VIPR2: variants seen among roughly 807,000 people sequenced by gnomAD.
VIPR2 encodes the protein vasoactive intestinal polypeptide receptor 2.
Under a neutral mutation model 58.0 loss-of-function variants are expected in VIPR2, and 48 were observed. The ratio of observed to expected loss-of-function variants is 0.83; its 90% CI spans 0.66 to 1.05. The LOEUF (loss-of-function observed/expected upper bound fraction) is 1.05. VIPR2 is among the 50% of genes least tolerant of loss of function. VIPR2 has a pLI of 0.00. For missense variants in VIPR2, 534 were observed against 558.0 expected (o/e 0.96, Z 0.43); for synonymous variants, 243 against 235.2 (o/e 1.03, Z -0.30).
intron 5 of VIPR2, among the ~76,000 whole-genome samples, chr7:159,046,447 T>C (rs1854656207): frequency 6.6e-6 from 1 of 152,132 alleles, no homozygotes; most frequent in African/African-American, 2.4e-5. Context: ...AAGACACCAG[T>C]CACAAAAGGC....
At chr7:159,063,768 T>C (rs576203216) in intron 4 of VIPR2, among the ~76,000 whole-genome samples, 58 of 30,114 alleles carry the variant, frequency 1.9e-3, no homozygotes, top group African/African-American at 3.0e-3. Flanking sequence ...TGGCGGGGTC[T>C]GGGAGTCCAG....
intron 4 of VIPR2, among the ~76,000 whole-genome samples, chr7:159,060,604 A>AC (rs773920398): frequency 1.1e-4 from 16 of 151,264 alleles, no homozygotes; most frequent in Non-Finnish European, 1.6e-4. Flanking sequence ...CACCACCCTC[A>AC]CCTCATCCAA....
At chr7:159,104,813 C>T (rs1321598429) in intron 3 of VIPR2, among the ~76,000 whole-genome samples, 2 of 148,622 alleles carry the variant, frequency 1.3e-5, no homozygotes, top group African/African-American at 2.6e-5. Flanking sequence ...CCCGGCCTGC[C>T]CCAGTTCCTG....
chr7:159,099,650 T>C lies in VIPR2; in HGVS notation c.357+4107A>G, dbSNP rs1240676114. On this transcript the variant is annotated intron_variant, in intron 4 of 12. Transcript: ENST00000262178. The surrounding 1 kb of genome is among the most constrained non-coding windows in gnomAD (Gnocchi z 4.2). ...CTGCTGGGGGCCTTGGTCTCTGCTC[T>C]TCACCAGCACCTCTGTCCTAATGTC... 6.6e-6 allele frequency among the ~76,000 whole-genome samples: 1 copy of C among 152,188 alleles called. No homozygotes were observed. Among genetic ancestry groups the C allele is most frequent in the East Asian group, 1.9e-4 (1 of 5,194 alleles).
At chr7:159,142,718 A>G (rs1023039076) in intron 1 of VIPR2, among the ~76,000 whole-genome samples, 173 bp from the exon 2 acceptor site, 2 of 152,152 alleles carry the variant, frequency 1.3e-5, no homozygotes, top group African/African-American at 4.8e-5. Context: ...AAACTTCACT[A>G]TTTACTTTGT....
intron 4 of VIPR2, among the ~76,000 whole-genome samples, chr7:159,066,207 T>C (rs1340061695): frequency 6.7e-6 from 1 of 150,370 alleles, no homozygotes; most frequent in Non-Finnish European, 1.5e-5. Context: ...GCACCGTCCA[T>C]GGGATTGCAG....
intron 4 of VIPR2, among the ~76,000 whole-genome samples, chr7:159,090,724 G>A (rs1392705995): frequency 3.0e-4 from 36 of 119,864 alleles, no homozygotes; most frequent in Admixed American, 6.7e-4. Flanking sequence ...ACAATCCCCA[G>A]TGACCTCAGC....
intron 4 of VIPR2, among the ~76,000 whole-genome samples, chr7:159,077,105 A>T (rs1856673931): frequency 6.6e-6 from 1 of 152,250 alleles, no homozygotes. Flanking sequence ...TCCTTGATGC[A>T]GTTACATAAA....
intron 4 of VIPR2, among the ~76,000 whole-genome samples, chr7:159,067,742 T>C (rs1856169845): frequency 6.6e-6 from 1 of 152,220 alleles, no homozygotes; most frequent in South Asian, 2.1e-4. Context: ...ATTCCAGCAC[T>C]GATGTTGGAA....
At chr7:159,107,469 T>C (rs2129496161) in intron 3 of VIPR2, among the ~76,000 whole-genome samples, 1 of 152,326 alleles carries the variant, frequency 6.6e-6, no homozygotes, top group East Asian at 1.9e-4. Flanking sequence ...AGTTGGCTCA[T>C]TGCCTCCTGG....
At chr7:159,063,235 TG>T (rs374213783) in intron 4 of VIPR2, among the ~76,000 whole-genome samples, 2,992 of 151,426 alleles carry the variant, frequency 0.02, 108 homozygotes, top group African/African-American at 0.067. Context: ...CACGGCGGGG[TG>T]GGGGGAGACT....
intron 6 of VIPR2, among the ~76,000 whole-genome samples, chr7:159,039,576 A>C (rs1284199898): frequency 1.1e-5 from 1 of 87,800 alleles, no homozygotes; most frequent in African/African-American, 4.1e-5. Flanking sequence ...TTGAAGCCCC[A>C]CCCGCTGTGG....
chr7:159,038,397 A>C (rs1854107739), intron 6 of VIPR2, among the ~76,000 whole-genome samples: 1 of 152,038 alleles, frequency 6.6e-6, no homozygotes, highest in South Asian at 2.1e-4. Flanking sequence ...CTGCACGCGG[A>C]TCTCGTGTGT....
chr7:159,034,428 C>G (rs763374710), intron 9 of VIPR2, 124 bp from the exon 10 acceptor site: 25 of 1,291,810 alleles, frequency 1.9e-5, no homozygotes, highest in Non-Finnish European at 2.7e-5. Context: ...GGAACTGCCT[C>G]TGGGGGTCCA....
intron 4 of VIPR2, among the ~76,000 whole-genome samples, chr7:159,074,920 C>A (rs1001089929): frequency 3.3e-5 from 5 of 152,150 alleles, no homozygotes; most frequent in Non-Finnish European, 7.4e-5. Flanking sequence ...AAACTGGGTA[C>A]CCATTATGCT....
chr7:159,086,358 T>C (rs570398497), intron 4 of VIPR2, among the ~76,000 whole-genome samples: 8 of 152,306 alleles, frequency 5.3e-5, no homozygotes, highest in African/African-American at 1.9e-4. Flanking sequence ...AGCTGGGTTG[T>C]GGGGAGGTGC....
intron 4 of VIPR2, among the ~76,000 whole-genome samples, chr7:159,063,047 AC>A: frequency 6.6e-6 from 1 of 152,186 alleles, no homozygotes; most frequent in Non-Finnish European, 1.5e-5. Context: ...AAGGTTCCCC[AC>A]GTCCCCACTG....
intron 1 of VIPR2, chr7:159,144,241 T>C (rs1797594281): frequency 7.6e-7 from 1 of 1,321,976 alleles, no homozygotes; most frequent in Non-Finnish European, 9.7e-7. Context: ...AAAGCAACTA[T>C]TTCCAAAAGG....
chr7:159,110,254 A>T (rs1795941609), intron 2 of VIPR2, among the ~76,000 whole-genome samples: 1 of 152,198 alleles, frequency 6.6e-6, no homozygotes, highest in Admixed American at 6.5e-5. Context: ...GGGGAGGGAG[A>T]CGCCCAGGGA....
Sources: allele counts gnomAD v4.1 joint callset (sites outside exome capture counted in the v4.1 genomes callset), GRCh38; gene constraint gnomAD v4.1.1; non-coding constraint Gnocchi (gnomAD v3.1); transcripts MANE v1.5; gene names NCBI Gene and HGNC (gene_info 2026-07-23, HGNC 2026-07-21).